Variants in MYLK4 observed in about 807,000 individuals in gnomAD.
The protein encoded by MYLK4 is caMLCK like.
In MYLK4, 46 loss-of-function variants were observed where a neutral mutation model predicts 48.1. The ratio of observed to expected loss-of-function variants is 0.96; its 90% CI spans 0.75 to 1.22. MYLK4 has a LOEUF of 1.22. Ranked by LOEUF, MYLK4 falls within the 50% of genes most tolerant of loss-of-function variation. MYLK4 has a pLI of 0.00. For missense variants in MYLK4, 451 were observed against 486.1 expected, an observed-to-expected ratio of 0.93 and a Z score of 0.68; for synonymous variants, 170 against 180.8, an observed-to-expected ratio of 0.94 and a Z score of 0.48.
At chr6:2,766,182 G>A in the MYLK4 span, 1 of 1,374,812 alleles carries the variant, frequency 7.3e-7, no homozygotes. Flanking sequence ...GACGACCCGG[G>A]GCACTGGGAC....
At chr6:2,753,719 T>C (rs1409581587), upstream of MYLK4, among the ~76,000 whole-genome samples, 1 of 151,912 alleles carries the variant, frequency 6.6e-6, no homozygotes, top group African/African-American at 2.4e-5. Context: ...GACAAAAGAT[T>C]AAAACAGACC....
At chr6:2,763,383 A>AT in the MYLK4 span, among the ~76,000 whole-genome samples, 1 of 152,208 alleles carries the variant, frequency 6.6e-6, no homozygotes, top group South Asian at 2.1e-4. Context: ...GCCGTGAGGC[A>AT]GTAAGCAGCG....
rs55774012 is a variant in MYLK4, at chr6:2,680,292, C to T, written c.688-1G>A. On this transcript the variant is annotated splice_acceptor_variant, in intron 7 of 12. Transcript: ENST00000274643. LOFTEE classifies it high-confidence loss of function. The stretch of plus-strand genomic sequence containing the variant: ...GATTCACACACAGGATATTCTCAGG[C>T]TGCCAGGAGAAAGAGACACATTAGC... 1,108 of 1,613,972 alleles carry T rather than the reference C, an allele frequency of 6.9e-4. 10 individuals are homozygous for T. The East Asian group carries it at 0.024, about 35-fold the overall frequency.
At chr6:2,680,577 T>A in intron 7 of MYLK4, 4 of 985,430 alleles carry the variant, frequency 4.1e-6, no homozygotes, top group Non-Finnish European at 4.8e-6. Flanking sequence ...AAAAGGAGGT[T>A]GCTTCAGTCC....
intron 2 of MYLK4, among the ~76,000 whole-genome samples, chr6:2,717,343 A>AT (rs1762903289): frequency 3.7e-4 from 1 of 2,694 alleles, no homozygotes; most frequent in African/African-American, 4.5e-4. Context: ...AAAAATGAAA[A>AT]TCTGAAATAT....
At chr6:2,713,779 T>C (rs1264574974) in intron 2 of MYLK4, among the ~76,000 whole-genome samples, 1 of 152,194 alleles carries the variant, frequency 6.6e-6, no homozygotes, top group Non-Finnish European at 1.5e-5. Context: ...ATCCCATATT[T>C]AGGCCTACGC....
chr6:2,766,149 G>C, the MYLK4 span: 2 of 1,328,532 alleles, frequency 1.5e-6, no homozygotes, highest in Non-Finnish European at 1.9e-6. Context: ...GATGGCGACG[G>C]GGACGCGGAC....
At chr6:2,703,287 C>T (rs1311327273) in intron 2 of MYLK4, among the ~76,000 whole-genome samples, 4 of 152,060 alleles carry the variant, frequency 2.6e-5, no homozygotes, top group Admixed American at 2.0e-4. Context: ...GGCTGTTGGC[C>T]ATGTAATATT....
the MYLK4 span, among the ~76,000 whole-genome samples, chr6:2,763,384 G>T: frequency 6.6e-6 from 1 of 152,234 alleles, no homozygotes; most frequent in Non-Finnish European, 1.5e-5. Context: ...CCGTGAGGCA[G>T]TAAGCAGCGC....
At chr6:2,706,350 C>CA (rs1762488494) in intron 2 of MYLK4, among the ~76,000 whole-genome samples, 1 of 146,290 alleles carries the variant, frequency 6.8e-6, no homozygotes, top group Non-Finnish European at 1.5e-5. Flanking sequence ...TCTAAAGTGA[C>CA]TTTTTTTTTT....
chr6:2,692,472 A>C (rs1761840026), intron 3 of MYLK4, among the ~76,000 whole-genome samples: 2 of 152,106 alleles, frequency 1.3e-5, no homozygotes, highest in Non-Finnish European at 2.9e-5. Flanking sequence ...TGGAGAATGC[A>C]GGTGATCAGT....
chr6:2,712,165 A>C (rs942556500), intron 2 of MYLK4, among the ~76,000 whole-genome samples: 1 of 152,208 alleles, frequency 6.6e-6, no homozygotes, highest in African/African-American at 2.4e-5. Flanking sequence ...ACTCTCCCTT[A>C]ACATCAGCTT....
the MYLK4 span, chr6:2,766,133 G>T: frequency 1.6e-6 from 2 of 1,240,276 alleles, no homozygotes; most frequent in Non-Finnish European, 2.1e-6. Flanking sequence ...GGCCGTGGGC[G>T]ACGGCGATGG....
At chr6:2,726,424 G>A (rs77924138) in intron 2 of MYLK4, among the ~76,000 whole-genome samples, 2,531 of 151,982 alleles carry the variant, frequency 0.017, 61 homozygotes, top group African/African-American at 0.057. Flanking sequence ...AGCGTGCAGG[G>A]GCTGCTTCCG....
At chr6:2,681,961 G>A (rs1761321324) in intron 7 of MYLK4, among the ~76,000 whole-genome samples, 1 of 152,186 alleles carries the variant, frequency 6.6e-6, no homozygotes, top group Admixed American at 6.5e-5. Context: ...TCAGTTCATA[G>A]TGAGGGTTTT....
intron 2 of MYLK4, among the ~76,000 whole-genome samples, chr6:2,707,076 C>A (rs1014616313): frequency 2.6e-5 from 4 of 152,172 alleles, no homozygotes; most frequent in African/African-American, 9.7e-5. Flanking sequence ...CAGGAACATA[C>A]CTGCACAAAG....
At chr6:2,718,682 T>C (rs965738360) in intron 2 of MYLK4, among the ~76,000 whole-genome samples, 3 of 152,222 alleles carry the variant, frequency 2.0e-5, no homozygotes, top group East Asian at 3.8e-4. Flanking sequence ...CCACCAGGCA[T>C]AGAGCTCTGT....
intron 2 of MYLK4, among the ~76,000 whole-genome samples, chr6:2,713,160 C>G (rs948956622): frequency 6.6e-6 from 1 of 151,934 alleles, no homozygotes; most frequent in Non-Finnish European, 1.5e-5. Context: ...CCCCTGAGGT[C>G]GGGAGTTCGA....
chr6:2,725,555 C>CAAAG lies in MYLK4; in HGVS notation c.159+23577_159+23580dup, dbSNP rs1554131493. On this transcript the variant is annotated intron_variant, in intron 2 of 12. Coordinates refer to ENST00000274643, the MANE Select transcript of MYLK4 (RefSeq NM_001012418.5). Reference sequence around the variant, plus strand: ...AGAAACAAAGAAAGAAACAAAGAAACAAAGAAAGAAAGAAAGAAAGAAAAA... The same window carrying CAAAG: ...AGAAACAAAGAAAGAAACAAAGAAACAAAGAAAGAAAGAAAGAAAGAAAGAAAAA... Among the ~76,000 whole-genome samples the CAAAG allele has an allele frequency of 8.3e-3, 744 of 89,730 alleles. 10 individuals are homozygous for CAAAG. Among genetic ancestry groups the CAAAG allele is most frequent in the African/African-American group, 0.028 (687 of 24,750 alleles). 58.9% of individuals were successfully genotyped at this position (89,730 alleles called of 152,430 possible).
Sources: gnomAD v4.1 joint callset for allele counts (sites outside exome capture counted in the v4.1 genomes callset) on GRCh38, gnomAD v4.1.1 for gene constraint, MANE v1.5 for transcripts, NCBI Gene and HGNC (gene_info 2026-07-23, HGNC 2026-07-21) for gene names.